Variants in PLCL2 observed in about 807,000 individuals in gnomAD.
The protein encoded by PLCL2 is phospholipase C like 2.
Under a neutral mutation model 79.6 loss-of-function variants are expected in PLCL2, and 4 were observed. The observed-to-expected ratio is 0.05, with a 90% CI of 0.02 to 0.11. The LOEUF (loss-of-function observed/expected upper bound fraction) is 0.11. Ranked by LOEUF, PLCL2 falls within the 10% of genes least tolerant of loss-of-function variation. The pLI is 1.00. For synonymous variants in PLCL2, 484 were observed against 457.7 expected (o/e 1.06, Z -0.73); for missense variants, 895 against 1,291.0 (o/e 0.69, Z 4.70).
chr3:17,017,481 A>C (rs2064397369), intron 3 of PLCL2, among the ~76,000 whole-genome samples: 1 of 152,172 alleles, frequency 6.6e-6, no homozygotes, highest in South Asian at 2.1e-4. Context: ...CAATTTATTA[A>C]AGCTAGCCAG....
chr3:16,945,747 T>C (rs550341919), intron 1 of PLCL2, among the ~76,000 whole-genome samples: 1 of 152,324 alleles, frequency 6.6e-6, no homozygotes, highest in South Asian at 2.1e-4. Flanking sequence ...ATCGGTCATA[T>C]AGCCACTCTG....
intron 4 of PLCL2, among the ~76,000 whole-genome samples, chr3:17,048,400 A>G (rs1189826238): frequency 6.6e-6 from 1 of 152,208 alleles, no homozygotes; most frequent in East Asian, 1.9e-4. Flanking sequence ...GTAGCATGGA[A>G]ATATCAAAAA....
intron 1 of PLCL2, among the ~76,000 whole-genome samples, chr3:16,909,520 A>G (rs1427064480): frequency 6.6e-6 from 1 of 152,218 alleles, no homozygotes; most frequent in Non-Finnish European, 1.5e-5. Context: ...AATATATTTC[A>G]GGATCATTGA....
chr3:16,933,234 G>A (rs372887672), intron 1 of PLCL2: 3 of 154,792 alleles, frequency 1.9e-5, no homozygotes, highest in Admixed American at 6.5e-5. Flanking sequence ...CTCCATCACC[G>A]GGCAGGGAAG....
intron 1 of PLCL2, among the ~76,000 whole-genome samples, chr3:16,934,350 C>T (rs562881727): frequency 5.9e-5 from 9 of 152,064 alleles, no homozygotes; most frequent in Non-Finnish European, 1.0e-4. Context: ...CTAAGCTGAG[C>T]CCTGGAGAAT....
At chr3:16,892,409 A>G (rs1696371518) in intron 1 of PLCL2, among the ~76,000 whole-genome samples, 1 of 148,398 alleles carries the variant, frequency 6.7e-6, no homozygotes, top group Non-Finnish European at 1.5e-5. Context: ...GGATGGCAAG[A>G]GAACATTATT....
intron 3 of PLCL2, among the ~76,000 whole-genome samples, chr3:17,023,958 A>G (rs1454113658): frequency 6.6e-6 from 1 of 152,186 alleles, no homozygotes; most frequent in Non-Finnish European, 1.5e-5. Flanking sequence ...CACTTGTGAG[A>G]CTGTTGAAGC....
intron 1 of PLCL2, among the ~76,000 whole-genome samples, chr3:16,925,017 G>T (rs1028738683): frequency 3.3e-5 from 5 of 151,456 alleles, no homozygotes; most frequent in Non-Finnish European, 5.9e-5. Context: ...TCTGCCTCAC[G>T]GGTTCACACC....
At chr3:16,992,952 G>A (rs956919826) in intron 1 of PLCL2, among the ~76,000 whole-genome samples, 1 of 152,196 alleles carries the variant, frequency 6.6e-6, no homozygotes, top group East Asian at 1.9e-4. Flanking sequence ...TTCCTGGCCT[G>A]GGTAGCATGG....
chr3:16,931,557 A>G (rs1697392507), intron 1 of PLCL2, among the ~76,000 whole-genome samples: 1 of 152,226 alleles, frequency 6.6e-6, no homozygotes, highest in Non-Finnish European at 1.5e-5. Flanking sequence ...TTTAACTAAC[A>G]ACTGTTGCCT....
At chr3:17,030,601 C>T (rs962447527) in intron 3 of PLCL2, among the ~76,000 whole-genome samples, 3 of 152,162 alleles carry the variant, frequency 2.0e-5, no homozygotes, top group Admixed American at 6.5e-5. Flanking sequence ...GATACCAGAA[C>T]ATGTGAGTTA....
intron 1 of PLCL2, among the ~76,000 whole-genome samples, chr3:16,982,729 T>C (rs894448706): frequency 1.3e-5 from 2 of 152,250 alleles, no homozygotes; most frequent in Non-Finnish European, 2.9e-5. Flanking sequence ...AGCCAAATTT[T>C]CTTCTCTTTC....
At chr3:16,998,973 C>T (rs1447026833) in intron 1 of PLCL2, among the ~76,000 whole-genome samples, 2 of 152,156 alleles carry the variant, frequency 1.3e-5, no homozygotes, top group Non-Finnish European at 2.9e-5. Context: ...GAAATGGAAT[C>T]ATCTGAATAA....
intron 1 of PLCL2, among the ~76,000 whole-genome samples, chr3:16,966,455 T>C (rs2124974820): frequency 6.6e-6 from 1 of 152,282 alleles, no homozygotes; most frequent in South Asian, 2.1e-4. Flanking sequence ...TCAATGTTCA[T>C]CAAGGATATT....
chr3:16,899,031 T>C (rs1482037475), intron 1 of PLCL2, among the ~76,000 whole-genome samples: 1 of 151,976 alleles, frequency 6.6e-6, no homozygotes, highest in Non-Finnish European at 1.5e-5. Flanking sequence ...TGTCAGGAGG[T>C]TGTGCTTCAA....
intron 1 of PLCL2, among the ~76,000 whole-genome samples, chr3:16,890,796 T>G (rs1034687060): frequency 4.6e-5 from 7 of 152,236 alleles, no homozygotes; most frequent in Admixed American, 2.0e-4. Context: ...TTAGCATGAG[T>G]GTCGTTTGTG....
At position 16,964,729 on chromosome 3, in the gene PLCL2, G is replaced by A. The variant is rs570296055; in HGVS notation, c.328-44945G>A. Among the ~76,000 whole-genome samples the A allele has an allele frequency of 6.4e-3, 973 of 151,698 alleles. 12 individuals are homozygous for A. The highest frequency in any genetic ancestry group is 0.023 in the African/African-American group (933 of 41,378). On this transcript the variant is annotated intron_variant, in intron 1 of 5. Transcript: ENST00000615277. Reference sequence around the variant, plus strand: ...TTGCCATTCTAACTGGTGTGAGATGGTATCTCATTGTGGTTTTGATTTGCA... The same window carrying A: ...TTGCCATTCTAACTGGTGTGAGATGATATCTCATTGTGGTTTTGATTTGCA...
At chr3:17,004,008 T>G (rs1400355191) in intron 1 of PLCL2, among the ~76,000 whole-genome samples, 2 of 152,136 alleles carry the variant, frequency 1.3e-5, no homozygotes, top group African/African-American at 4.8e-5. Flanking sequence ...TCCTTAAAAT[T>G]TTATCTGATT....
At chr3:17,005,096 T>C (rs1455534343) in intron 1 of PLCL2, among the ~76,000 whole-genome samples, 2 of 152,134 alleles carry the variant, frequency 1.3e-5, no homozygotes, top group Non-Finnish European at 2.9e-5. Context: ...TTTCTCATGA[T>C]GTTTTTTGAG....
Sources: gnomAD v4.1 joint callset for allele counts (sites outside exome capture counted in the v4.1 genomes callset) on GRCh38, gnomAD v4.1.1 for gene constraint, MANE v1.5 for transcripts, NCBI Gene and HGNC (gene_info 2026-07-23, HGNC 2026-07-21) for gene names.